The following SSR1 variants were observed in gnomAD, a reference collection of about 807,000 sequenced individuals.
SSR1 encodes signal sequence receptor subunit 1.
Under a neutral mutation model 36.1 loss-of-function variants are expected in SSR1, and 13 were observed. The observed-to-expected ratio is 0.36, with a 90% CI of 0.23 to 0.57. SSR1 has a LOEUF of 0.57. SSR1 is among the 20% of genes least tolerant of loss of function. The pLI, the probability that SSR1 is intolerant of heterozygous loss-of-function variation, is 0.81. For missense variants in SSR1, 291 were observed against 338.5 expected (o/e 0.86, Z 1.10); for synonymous variants, 113 against 118.9 (o/e 0.95, Z 0.32).
rs1757561903 is a variant in SSR1, at chr6:7,286,710, A to C, written c.*3154T>G. 1 of 152,164 alleles carries C rather than the reference A, an allele frequency of 6.6e-6. No individual in the cohort carries two copies. The allele number at this position is 152,164 out of a possible 1,614,324, so 9.4% of individuals were successfully genotyped here. A position where few individuals can be genotyped will look rare whatever the true frequency, so the allele number is the denominator to read the frequency against. Reference sequence around the variant, plus strand: ...GCGTATCACCTGTGGTCAGGAGTTCAAGACCAGCCTGGCCAAATGACGAAA... The same window carrying C: ...GCGTATCACCTGTGGTCAGGAGTTCCAGACCAGCCTGGCCAAATGACGAAA... On this transcript the variant is annotated 3_prime_UTR_variant, in exon 8 of 8. Coordinates refer to ENST00000244763, the MANE Select transcript of SSR1 (RefSeq NM_003144.5).
chr6:7,301,431 G>A lies in SSR1; in HGVS notation c.422C>T (p.Pro141Leu), dbSNP rs567875498. Residue 141 changes from proline to leucine, a missense_variant, in exon 4 of 8, where the codon CCT (proline) becomes CTT (leucine). Pro to Leu is a moderately conservative substitution (Grantham distance 98). Coordinates refer to ENST00000244763, the MANE Select transcript of SSR1 (RefSeq NM_003144.5). ...CTGGGGTGGCACTACAGTGTTCAGA[G>A]GAAGAGCTGTGAAATTCTGGATATA... Reference protein sequence around the residue: ...QFYIQNFTALPLNTVVPPQRQ... With the variant: ...QFYIQNFTALLLNTVVPPQRQ... 56 of 1,614,162 alleles carry A rather than the reference G, an allele frequency of 3.5e-5. No individual in the cohort carries two copies. The East Asian group carries it at 9.6e-4, about 28-fold the overall frequency.
intron 7 of SSR1, among the ~76,000 whole-genome samples, chr6:7,291,029 C>T (rs1388571233): frequency 6.6e-6 from 1 of 152,054 alleles, no homozygotes; most frequent in Non-Finnish European, 1.5e-5. Context: ...GGATTACAGG[C>T]ACACACTATC....
chr6:7,292,876 T>C (rs1757713460), intron 7 of SSR1, among the ~76,000 whole-genome samples: 1 of 152,096 alleles, frequency 6.6e-6, no homozygotes, highest in South Asian at 2.1e-4. Context: ...ATAAAGCAAC[T>C]GCTATACTGC....
chr6:7,292,478 C>T (rs187958813), intron 7 of SSR1, among the ~76,000 whole-genome samples: 15 of 152,332 alleles, frequency 9.8e-5, no homozygotes, highest in African/African-American at 2.6e-4. Context: ...TTACTGAAAT[C>T]GCGGAACTGG....
At position 7,283,915 on chromosome 6, in the gene SSR1, G is replaced by A. The variant is rs1178657396; in HGVS notation, c.*5949C>T. ...GAGTGAGTGCCTCTGTGCTCCTTGAGGCTGTTTCATTACAGATAACAAGGT... is the reference window on the plus strand; with the variant it reads ...GAGTGAGTGCCTCTGTGCTCCTTGAAGCTGTTTCATTACAGATAACAAGGT... On this transcript the variant is annotated 3_prime_UTR_variant, in exon 8 of 8. Coordinates refer to ENST00000244763, the MANE Select transcript of SSR1 (RefSeq NM_003144.5). 6.6e-6 allele frequency: 1 copy of A among 152,184 alleles called. No homozygotes were observed. Among genetic ancestry groups the A allele is most frequent in the East Asian group, 1.9e-4 (1 of 5,190 alleles). The allele number at this position is 152,184 out of a possible 1,614,324, so 9.4% of individuals were successfully genotyped here. A position where few individuals can be genotyped will look rare whatever the true frequency, so the allele number is the denominator to read the frequency against.
At chr6:7,297,177 C>T in intron 6 of SSR1, 1 of 247,912 alleles carries the variant, frequency 4.0e-6, no homozygotes, top group South Asian at 3.3e-5. Context: ...CAAGATTGTG[C>T]CACTGCACTC....
chr6:7,281,613 TGAAGA>T lies in SSR1; in HGVS notation c.*8246_*8250del, dbSNP rs1757420179. ...TTCTCTGAGTTGTTAGATTTCAAAG[TGAAGA>T]GAACTGAAATCTCTTTTTATTCATA... On this transcript the variant is annotated 3_prime_UTR_variant, in exon 8 of 8. Coordinates refer to ENST00000244763, the MANE Select transcript of SSR1 (RefSeq NM_003144.5). The T allele has an allele frequency of 6.6e-6, 1 of 152,230 alleles. No homozygotes were observed. The highest frequency in any genetic ancestry group is 1.5e-5 in the Non-Finnish European group (1 of 68,044). The allele number at this position is 152,230 out of a possible 1,614,324, so 9.4% of individuals were successfully genotyped here.
Position 7,294,502 on chromosome 6 carries a change from A to G in SSR1, c.793+890T>C, listed in dbSNP as rs1356755294. Among the ~76,000 whole-genome samples, 10 of 152,296 alleles carry G rather than the reference A, an allele frequency of 6.6e-5. 1 individual carries two copies. In the South Asian group the frequency reaches 1.2e-3, roughly 19 times the overall value. On this transcript the variant is annotated intron_variant, in intron 7 of 7. Coordinates refer to ENST00000244763, the MANE Select transcript of SSR1 (RefSeq NM_003144.5). ...CAGGAGGTCGAAGCCAGCCAGGCCA[A>G]CATGGTGAAACCCTGTCTCTACTAA... is the stretch of plus-strand genomic sequence containing the variant.
rs146906513 is a variant in SSR1 at position 7,302,079 on chromosome 6, C to T, written c.281-507G>A. Among the ~76,000 whole-genome samples, 804 of 152,154 alleles carry T rather than the reference C, an allele frequency of 5.3e-3. 10 individuals are homozygous for T. The highest frequency in any genetic ancestry group is 0.034 in the Middle Eastern group (10 of 294). ...AAATGCAAATTTGAAGGTTAAGACCCAAGGATGTAGCTACAAAAATGGAAG... is the reference window on the plus strand; with the variant it reads ...AAATGCAAATTTGAAGGTTAAGACCTAAGGATGTAGCTACAAAAATGGAAG... On this transcript the variant is annotated intron_variant, in intron 3 of 7. Coordinates refer to ENST00000244763, the MANE Select transcript of SSR1 (RefSeq NM_003144.5).
In SSR1 at chr6:7,288,297, G is replaced by C. The variant is rs1197814054; in HGVS notation, c.*1567C>G. ...TAGAGCTTTCTCAAAATCAACTACT[G>C]ATCATAACAGCCCAATTAAAAACTC... On this transcript the variant is annotated 3_prime_UTR_variant, in exon 8 of 8. Transcript: ENST00000244763. 1 of 152,106 alleles carries C rather than the reference G, an allele frequency of 6.6e-6. No individual in the cohort carries two copies. Among genetic ancestry groups the C allele is most frequent in the Non-Finnish European group, 1.5e-5 (1 of 68,012 alleles). 9.4% of individuals were successfully genotyped at this position (152,106 alleles called of 1,614,324 possible).
In SSR1 at chr6:7,286,385, G is replaced by A. The variant is rs1419717048; in HGVS notation, c.*3479C>T. Reference sequence around the variant, plus strand: ...AGCACCCGAAATAAATTATTTAGATGTTTGCAAGTCAGCTGCAAGGTGTTC... The same window carrying A: ...AGCACCCGAAATAAATTATTTAGATATTTGCAAGTCAGCTGCAAGGTGTTC... On this transcript the variant is annotated 3_prime_UTR_variant, in exon 8 of 8. Coordinates refer to ENST00000244763, the MANE Select transcript of SSR1 (RefSeq NM_003144.5). The A allele has an allele frequency of 6.6e-6, 1 of 152,192 alleles. No homozygotes were observed. Among genetic ancestry groups the A allele is most frequent in the Non-Finnish European group, 1.5e-5 (1 of 68,028 alleles). 9.4% of individuals were successfully genotyped at this position (152,192 alleles called of 1,614,324 possible). A position where few individuals can be genotyped will look rare whatever the true frequency, so the allele number is the denominator to read the frequency against.
chr6:7,298,481 T>C, intron 5 of SSR1: 1 of 408,624 alleles, frequency 2.4e-6, no homozygotes, highest in Non-Finnish European at 4.4e-6. Flanking sequence ...TTTATAAGCA[T>C]GAGGTAGAAA....
chr6:7,312,993 C>T, intron 1 of SSR1, 49 bp downstream of exon 1: 1 of 1,539,946 alleles, frequency 6.5e-7, no homozygotes, highest in Non-Finnish European at 8.8e-7. Flanking sequence ...CTTGCCATCA[C>T]TGGCATCTCC....
rs996753552 is a variant in SSR1, at chr6:7,288,837, A to G, written c.*1027T>C. 1 of 152,368 alleles carries G rather than the reference A, an allele frequency of 6.6e-6. No homozygotes were observed. The highest frequency in any genetic ancestry group is 1.9e-4 in the East Asian group (1 of 5,206). The allele number at this position is 152,368 out of a possible 1,614,324, so 9.4% of individuals were successfully genotyped here. ...ATCTTTCAGGTTAACTAAAAAGGTT[A>G]TATCAACAAGCAAAACTCCCAAAAG... On this transcript the variant is annotated 3_prime_UTR_variant, in exon 8 of 8. Transcript: ENST00000244763.
In SSR1 at chr6:7,281,903, AAC is replaced by A; in HGVS notation, c.*7959_*7960del. 1 of 152,410 alleles carries A rather than the reference AAC, an allele frequency of 6.6e-6. No homozygotes were observed. The highest frequency in any genetic ancestry group is 2.1e-4 in the South Asian group (1 of 4,834). 9.4% of individuals were successfully genotyped at this position (152,410 alleles called of 1,614,324 possible). A position where few individuals can be genotyped will look rare whatever the true frequency, so the allele number is the denominator to read the frequency against. ...TCTAAAAATCAGGACTGAAGTGATC[AAC>A]AGTTAACAGATGAAGCCATGAGAAC... On this transcript the variant is annotated 3_prime_UTR_variant, in exon 8 of 8. Transcript: ENST00000244763.
chr6:7,285,850 A>G lies in SSR1; in HGVS notation c.*4014T>C, dbSNP rs1757541719. 1 of 152,192 alleles carries G rather than the reference A, an allele frequency of 6.6e-6. No individual in the cohort carries two copies. The highest frequency in any genetic ancestry group is 1.5e-5 in the Non-Finnish European group (1 of 68,028). The allele number at this position is 152,192 out of a possible 1,614,324, so 9.4% of individuals were successfully genotyped here. A position where few individuals can be genotyped will look rare whatever the true frequency, so the allele number is the denominator to read the frequency against. On this transcript the variant is annotated 3_prime_UTR_variant, in exon 8 of 8. Coordinates refer to ENST00000244763, the MANE Select transcript of SSR1 (RefSeq NM_003144.5). The surrounding 1 kb of genome is among the most constrained non-coding windows in gnomAD (Gnocchi z 4.1). ...CTTGAAAATGCAATCAACCCATGAA[A>G]ATGTTTTTAAAGACCATGATTCTGT... is the stretch of plus-strand genomic sequence containing the variant.
chr6:7,297,611 G>A (rs757044088), intron 6 of SSR1, among the ~76,000 whole-genome samples: 2 of 152,036 alleles, frequency 1.3e-5, no homozygotes, highest in Admixed American at 1.3e-4. Flanking sequence ...TATGGTCCCA[G>A]CTAACCGGGA....
chr6:7,286,916 C>CAAAAAAAAAA lies in SSR1; in HGVS notation c.*2938_*2947dup, dbSNP rs55986029. The stretch of plus-strand genomic sequence containing the variant: ...GACACAGAGACTCCGTCTCAGGGGG[C>CAAAAAAAAAA]AAAAAAAAAAAAAAAAAAAAAAGTA... On this transcript the variant is annotated 3_prime_UTR_variant, in exon 8 of 8. Coordinates refer to ENST00000244763, the MANE Select transcript of SSR1 (RefSeq NM_003144.5). 2 of 87,890 alleles carry CAAAAAAAAAA rather than the reference C, an allele frequency of 2.3e-5. No homozygotes were observed. Among genetic ancestry groups the CAAAAAAAAAA allele is most frequent in the Non-Finnish European group, 4.1e-5 (2 of 48,644 alleles). 5.4% of individuals were successfully genotyped at this position (87,890 alleles called of 1,614,324 possible).
rs2113268612 is a variant in SSR1, at chr6:7,288,718, T to TA, written c.*1145dup. On this transcript the variant is annotated 3_prime_UTR_variant, in exon 8 of 8. Coordinates refer to ENST00000244763, the MANE Select transcript of SSR1 (RefSeq NM_003144.5). ...TCTGACAATAATGCCAAACTTAATTTACAATCTAGGGCAAGAGTAACTCTA... is the reference window on the plus strand; with the variant it reads ...TCTGACAATAATGCCAAACTTAATTTAACAATCTAGGGCAAGAGTAACTCTA... The TA allele has an allele frequency of 6.5e-6, 1 of 152,766 alleles. No individual in the cohort carries two copies. The highest frequency in any genetic ancestry group is 6.5e-5 in the Admixed American group (1 of 15,302). 9.5% of individuals were successfully genotyped at this position (152,766 alleles called of 1,614,324 possible).
Sources: gnomAD v4.1 joint callset for allele counts (sites outside exome capture counted in the v4.1 genomes callset) on GRCh38, gnomAD v4.1.1 for gene constraint, Gnocchi (gnomAD v3.1) non-coding constraint, MANE v1.5 for transcripts, NCBI Gene and HGNC (gene_info 2026-07-23, HGNC 2026-07-21) for gene names.